The following NR6A1 variants were observed in gnomAD, a reference collection of about 807,000 sequenced individuals.
The protein encoded by NR6A1 is nuclear receptor subfamily 6 group A member 1.
In NR6A1, 7 loss-of-function variants were observed where a neutral mutation model predicts 59.1. The ratio of observed to expected loss-of-function variants is 0.12; its 90% confidence interval spans 0.07 to 0.22. The LOEUF (loss-of-function observed/expected upper bound fraction) is 0.22. Among genes scored for constraint, NR6A1 ranks in the 10% least tolerant of loss-of-function variants. The pLI, the probability that NR6A1 is intolerant of heterozygous loss-of-function variation, is 1.00. For missense variants in NR6A1, 468 were observed against 611.6 expected, an observed-to-expected ratio of 0.77 and a Z score of 2.48; for synonymous variants, 243 against 236.1, an observed-to-expected ratio of 1.03 and a Z score of -0.27.
chr9:124,559,942 T>C (rs1484877169), intron 2 of NR6A1, among the ~76,000 whole-genome samples: 3 of 152,226 alleles, frequency 2.0e-5, no homozygotes, highest in Non-Finnish European at 4.4e-5. Context: ...ATTTTGCTTC[T>C]ATGTTTCTGC....
At chr9:124,650,482 C>T (rs912211477) in intron 2 of NR6A1, among the ~76,000 whole-genome samples, 6 of 151,936 alleles carry the variant, frequency 3.9e-5, no homozygotes, top group Non-Finnish European at 7.4e-5. Flanking sequence ...TTAATAGGTA[C>T]AAAAATACAG....
chr9:124,654,072 C>T (rs1324756656), intron 2 of NR6A1, among the ~76,000 whole-genome samples: 1 of 152,174 alleles, frequency 6.6e-6, no homozygotes, highest in Non-Finnish European at 1.5e-5. Context: ...AACAAACCCT[C>T]TCTGTTGTGG....
chr9:124,654,191 C>T (rs1322404447), intron 2 of NR6A1, among the ~76,000 whole-genome samples: 3 of 152,186 alleles, frequency 2.0e-5, no homozygotes, highest in African/African-American at 7.2e-5. Flanking sequence ...GCAAGATTCT[C>T]AGCTTGGGAG....
In NR6A1 at chr9:124,517,392, C is replaced by T. The variant is rs2131301584; in HGVS notation, c.*5313G>A. 1 of 152,346 alleles carries T rather than the reference C, an allele frequency of 6.6e-6. No homozygotes were observed. The highest frequency in any genetic ancestry group is 1.5e-5 in the Non-Finnish European group (1 of 68,056). 9.4% of individuals were successfully genotyped at this position (152,346 alleles called of 1,614,324 possible). A position where few individuals can be genotyped will look rare whatever the true frequency, so the allele number is the denominator to read the frequency against. On this transcript the variant is annotated 3_prime_UTR_variant, in exon 10 of 10. Coordinates refer to ENST00000487099, the MANE Select transcript of NR6A1 (RefSeq NM_033334.4). ...GGTAGTCAATTCACAGAACAGGGCC[C>T]ATCCCTTGCCAGCTGGCAGGGTGGG...
At position 124,519,901 on chromosome 9, in the gene NR6A1, C is replaced by CAAAAAAAAAAAAAAAAAAAA. The variant is rs10639098; in HGVS notation, c.*2784_*2803dup. ...TGAGCGACAGAGCGAGACTCCGCCT[C>CAAAAAAAAAAAAAAAAAAAA]AAAAAAAAAAAAAAAAAAAAAAAAA... is the stretch of plus-strand genomic sequence containing the variant. On this transcript the variant is annotated 3_prime_UTR_variant, in exon 10 of 10. Transcript: ENST00000487099. 1 of 23,884 alleles carries CAAAAAAAAAAAAAAAAAAAA rather than the reference C, an allele frequency of 4.2e-5. No individual in the cohort carries two copies. Among genetic ancestry groups the CAAAAAAAAAAAAAAAAAAAA allele is most frequent in the African/African-American group, 1.3e-4 (1 of 7,636 alleles). The allele number at this position is 23,884 out of a possible 1,614,324, so 1.5% of individuals were successfully genotyped here. A position where few individuals can be genotyped will look rare whatever the true frequency, so the allele number is the denominator to read the frequency against.
chr9:124,579,941 C>G (rs529161536), intron 2 of NR6A1, among the ~76,000 whole-genome samples: 1 of 152,186 alleles, frequency 6.6e-6, no homozygotes, highest in Admixed American at 6.5e-5. Context: ...ACCAGGGAGG[C>G]AGAGGTGGTG....
chr9:124,594,147 T>C (rs796951447), intron 2 of NR6A1, among the ~76,000 whole-genome samples: 34 of 115,690 alleles, frequency 2.9e-4, no homozygotes, highest in African/African-American at 9.8e-4. Context: ...CTCTTAAGAT[T>C]CCAAAACCTC....
chr9:124,653,720 A>G (rs905536792), intron 2 of NR6A1, among the ~76,000 whole-genome samples: 2 of 152,136 alleles, frequency 1.3e-5, no homozygotes, highest in African/African-American at 2.4e-5. Context: ...TACTTTTCAG[A>G]GTTTTTGAGA....
At chr9:124,618,090 T>C (rs768531285) in intron 2 of NR6A1, among the ~76,000 whole-genome samples, 2 of 152,216 alleles carry the variant, frequency 1.3e-5, no homozygotes, top group Non-Finnish European at 1.5e-5. Context: ...CAAACCTACA[T>C]ATCCATCACA....
chr9:124,630,210 G>GTT (rs71372979), intron 2 of NR6A1, among the ~76,000 whole-genome samples: 4,306 of 95,128 alleles, frequency 0.045, 219 homozygotes, highest in African/African-American at 0.066. Context: ...CTCCAAATCA[G>GTT]TTTTTTTTTT....
chr9:124,652,645 AC>A (rs1837139184), intron 2 of NR6A1, among the ~76,000 whole-genome samples: 1 of 152,150 alleles, frequency 6.6e-6, no homozygotes, highest in South Asian at 2.1e-4. Flanking sequence ...CAGTACCATG[AC>A]CAGGTCAGAA....
chr9:124,611,193 G>T (rs764526710), intron 2 of NR6A1, among the ~76,000 whole-genome samples: 1 of 151,840 alleles, frequency 6.6e-6, no homozygotes, highest in Non-Finnish European at 1.5e-5. Flanking sequence ...ACAAAATTGG[G>T]ATCAGGCCAT....
At chr9:124,764,492 C>A (rs1231918544) in intron 1 of NR6A1, among the ~76,000 whole-genome samples, 5 of 152,108 alleles carry the variant, frequency 3.3e-5, no homozygotes, top group African/African-American at 9.7e-5. Flanking sequence ...ATCTAAAAAT[C>A]CATGATTCTA....
At chr9:124,670,735 C>A (rs910491434) in intron 2 of NR6A1, among the ~76,000 whole-genome samples, 1 of 151,792 alleles carries the variant, frequency 6.6e-6, no homozygotes, top group Non-Finnish European at 1.5e-5. Context: ...TATTGGGGGC[C>A]CAAAAATAAA....
chr9:124,525,854 T>C (rs186496724), intron 8 of NR6A1, among the ~76,000 whole-genome samples: 2 of 152,314 alleles, frequency 1.3e-5, no homozygotes, highest in Admixed American at 1.3e-4. Flanking sequence ...GCACAAGTAA[T>C]ACGTCAAGTG....
chr9:124,642,030 G>A (rs1836780775), intron 2 of NR6A1, among the ~76,000 whole-genome samples: 1 of 151,944 alleles, frequency 6.6e-6, no homozygotes, highest in African/African-American at 2.4e-5. Flanking sequence ...CTTAACAGCT[G>A]AGTGAGTTTG....
Position 124,540,107 on chromosome 9 carries a change from A to G in NR6A1, c.522T>C (p.Asp174=). Residue 174 remains aspartate, a synonymous_variant, in exon 5 of 10, where the codon GAT becomes GAC. Transcript: ENST00000487099. ...EEANHWSNHG[D]SDHSSPGNRA... ...TGTTCCCAGGGGAACTGTGGTCACT[A>G]TCACCATGGTTGCTCCAGTGATTGG... 6.2e-7 allele frequency: 1 copy of G among 1,613,446 alleles called. No homozygotes were observed.
In NR6A1 at chr9:124,542,361, TC is replaced by T. The variant is rs1352666898; in HGVS notation, c.441+1440del. Among the ~76,000 whole-genome samples, 6 of 152,164 alleles carry T rather than the reference TC, an allele frequency of 3.9e-5. No homozygotes were observed. In the East Asian group the frequency reaches 1.2e-3, roughly 29 times the overall value. Reference sequence around the variant, plus strand: ...TACGCTGTGCTCATATGATAAGAAATCCCCCAAACATCATCAGTGTATGTCT... The same window carrying T: ...TACGCTGTGCTCATATGATAAGAAATCCCCAAACATCATCAGTGTATGTCT... On this transcript the variant is annotated intron_variant, in intron 4 of 9. Coordinates refer to ENST00000487099, the MANE Select transcript of NR6A1 (RefSeq NM_033334.4).
chr9:124,664,549 C>T (rs1310676147), intron 2 of NR6A1, among the ~76,000 whole-genome samples: 2 of 152,140 alleles, frequency 1.3e-5, no homozygotes, highest in African/African-American at 4.8e-5. Flanking sequence ...CTCACCACCA[C>T]AAAATGTTTT....
Sources: gnomAD v4.1 joint callset for allele counts (sites outside exome capture counted in the v4.1 genomes callset) on GRCh38, gnomAD v4.1.1 for gene constraint, MANE v1.5 for transcripts, NCBI Gene and HGNC (gene_info 2026-07-23, HGNC 2026-07-21) for gene names.